The following CDHR2 variants were observed in gnomAD, a reference collection of about 807,000 sequenced individuals.
CDHR2 encodes cadherin related family member 2.
In CDHR2, 104 loss-of-function variants were observed where a neutral mutation model predicts 138.6. The ratio of observed to expected loss-of-function variants is 0.75; its 90% CI spans 0.64 to 0.88. The LOEUF (loss-of-function observed/expected upper bound fraction) is 0.88. CDHR2 is among the 40% of genes least tolerant of loss of function. CDHR2 has a pLI of 0.00. For missense variants in CDHR2, 1,624 were observed against 1,727.6 expected (o/e 0.94, Z 1.06); for synonymous variants, 755 against 742.8 (o/e 1.02, Z -0.27).
chr5:176,590,106 G>A lies in CDHR2; in HGVS notation c.3235G>A (p.Val1079Ile), dbSNP rs1373340129. 2 of 1,613,740 alleles carry A rather than the reference G, an allele frequency of 1.2e-6. No individual in the cohort carries two copies. Among genetic ancestry groups the A allele is most frequent in the Non-Finnish European group, 1.7e-6 (2 of 1,179,994 alleles). ...AALTQATRTTVYIVDIQDIDS... is the reference protein window; with the variant it reads ...AALTQATRTTIYIVDIQDIDS... ...TCTTACCCAGGCAACCAGGACTACAGTATACATTGTGGACATTCAGGACAT... is the reference window on the plus strand; with the variant it reads ...TCTTACCCAGGCAACCAGGACTACAATATACATTGTGGACATTCAGGACAT... The change falls in exon 25 of 32, where the codon GTA becomes ATA. Residue 1079 changes from valine (V) to isoleucine (I), a missense_variant. Coordinates refer to ENST00000261944, the MANE Select transcript of CDHR2 (RefSeq NM_017675.6).
chr5:176,544,349 TTTC>T (rs1284875821), upstream of CDHR2, among the ~76,000 whole-genome samples: 1 of 140,426 alleles, frequency 7.1e-6, no homozygotes, highest in Non-Finnish European at 1.5e-5. Context: ...TCCTTTCTTT[TTTC>T]TTTTCTTTTC....
chr5:176,591,960 G>GAT (rs199511388), intron 30 of CDHR2, among the ~76,000 whole-genome samples: 1 of 16,198 alleles, frequency 6.2e-5, no homozygotes, highest in Admixed American at 5.2e-4. Flanking sequence ...TGATGATGAC[G>GAT]GTGGTGGTGG....
At chr5:176,591,048 C>A (rs1758829835) in intron 28 of CDHR2, among the ~76,000 whole-genome samples, 162 bp from the exon 29 acceptor site, 1 of 152,252 alleles carries the variant, frequency 6.6e-6, no homozygotes, top group South Asian at 2.1e-4. Context: ...GCTATTTGAC[C>A]TTTGGCAAAT....
chr5:176,594,283 G>C (rs1323993504), intron 31 of CDHR2, among the ~76,000 whole-genome samples: 1 of 152,198 alleles, frequency 6.6e-6, no homozygotes, highest in Non-Finnish European at 1.5e-5. Flanking sequence ...GAGTCTTGCG[G>C]GTCTCTGGGC....
Position 176,576,075 on chromosome 5 carries a change from A to G in CDHR2, c.1084A>G (p.Thr362Ala), listed in dbSNP as rs775220895. 6.2e-7 allele frequency: 1 copy of G among 1,614,050 alleles called. No individual in the cohort carries two copies. The highest frequency in any genetic ancestry group is 1.7e-5 in the Admixed American group (1 of 60,018). Reference sequence around the variant, plus strand: ...TTACAACTGCAGCCTCCCAGCCTGCACCTTCACCCCCGAAGAGGCCCAAGT... The same window carrying G: ...TTACAACTGCAGCCTCCCAGCCTGCGCCTTCACCCCCGAAGAGGCCCAAGT... ...EFYNCSLPAC[T>A]FTPEEAQVNF... The change falls in exon 12 of 32, where the codon ACC (threonine) becomes GCC (alanine). Residue 362 changes from threonine to alanine, a missense_variant. Around this residue, in one of 3 missense-constraint regions of CDHR2, gnomAD observed 1,061 missense variants for 1,136.6 expected, o/e 0.93. Transcript: ENST00000261944. The surrounding 1 kb of genome is among the most constrained non-coding windows in gnomAD (Gnocchi z 4.5).
At position 176,576,241 on chromosome 5, in the gene CDHR2, C is replaced by A; in HGVS notation, c.1194+56C>A. 7.2e-7 allele frequency: 1 copy of A among 1,380,436 alleles called. No individual in the cohort carries two copies. The highest frequency in any genetic ancestry group is 1.0e-6 in the Non-Finnish European group (1 of 994,562). The allele number at this position is 1,380,436 out of a possible 1,614,324, so 85.5% of individuals were successfully genotyped here. On this transcript the variant is annotated intron_variant, in intron 12 of 31. Transcript: ENST00000261944. The surrounding 1 kb of genome is among the most constrained non-coding windows in gnomAD (Gnocchi z 4.5). Reference sequence around the variant, plus strand: ...GTGGCTGGGGGAGGCCAGTGGGAGCCTGGATCGAGTGACGGTGTCATGTGG... The same window carrying A: ...GTGGCTGGGGGAGGCCAGTGGGAGCATGGATCGAGTGACGGTGTCATGTGG...
intron 1 of CDHR2, among the ~76,000 whole-genome samples, chr5:176,557,216 T>G (rs13178694): frequency 0.32 from 48,114 of 151,458 alleles, 8,570 homozygotes; most frequent in East Asian, 0.5. Flanking sequence ...TTGCTTTTTT[T>G]GTTTTTTGAG....
intron 16 of CDHR2, among the ~76,000 whole-genome samples, chr5:176,580,406 G>A (rs920237309): frequency 1.3e-5 from 2 of 150,916 alleles, no homozygotes; most frequent in Non-Finnish European, 2.9e-5. Flanking sequence ...GTGCATGCCT[G>A]TAATCCCAGC....
At chr5:176,568,930 C>A (rs764261366) in intron 4 of CDHR2, 30 bp from the exon 5 acceptor site, 16 of 1,613,322 alleles carry the variant, frequency 9.9e-6, no homozygotes, top group Non-Finnish European at 1.4e-5. Context: ...CGGGGGCTCA[C>A]CACCGGCCCC....
chr5:176,557,172 C>T lies in CDHR2; in HGVS notation c.-16+7758C>T, dbSNP rs115512142. Among the ~76,000 whole-genome samples the T allele has an allele frequency of 1.4e-3, 200 of 141,544 alleles. 1 individual carries two copies. Among genetic ancestry groups the T allele is most frequent in the African/African-American group, 4.3e-3 (164 of 38,374 alleles). The allele number at this position is 141,544 out of a possible 152,430, so 92.9% of individuals were successfully genotyped here. A position where few individuals can be genotyped will look rare whatever the true frequency, so the allele number is the denominator to read the frequency against. ...CTAGGACCACAGGCATGCACCATGG[C>T]GCCTGGCCTGTTATTTAATAATATT... On this transcript the variant is annotated intron_variant, in intron 1 of 31. Transcript: ENST00000261944.
In CDHR2 at chr5:176,574,092, G is replaced by C. The variant is rs150841635; in HGVS notation, c.415G>C (p.Val139Leu). ...FSTSINETLP[V>L]GSVVFSVLAV... ...GAGTCCCTCCCTGCAGACCCTGCCCGTGGGCAGTGTGGTGTTCTCCGTGCT... is the reference window on the plus strand; with the variant it reads ...GAGTCCCTCCCTGCAGACCCTGCCCCTGGGCAGTGTGGTGTTCTCCGTGCT... The change falls in exon 7 of 32, where the codon GTG becomes CTG. Residue 139 changes from valine to leucine, a missense_variant. By Grantham distance (32) the Val-to-Leu change is conservative (BLOSUM62 1). This residue lies in a region of CDHR2 where 1,061 missense variants were observed against 1,136.6 expected (regional missense o/e 0.93). Transcript: ENST00000261944. 1 of 1,613,724 alleles carries C rather than the reference G, an allele frequency of 6.2e-7. No individual in the cohort carries two copies. Among genetic ancestry groups the C allele is most frequent in the Non-Finnish European group, 8.5e-7 (1 of 1,179,672 alleles).
In CDHR2 at chr5:176,589,166, T is replaced by C. The variant is rs759788747; in HGVS notation, c.2992T>C (p.Phe998Leu). Reference protein sequence around the residue: ...SIFTSSEADVFAGSIQPVTSL... With the variant: ...SIFTSSEADVLAGSIQPVTSL... ...CTTCACCTCCTCCGAGGCCGACGTG[T>C]TCGCTGGGAGCATTCAGTAACTGCG... Residue 998 changes from phenylalanine to leucine, a missense_variant, in exon 22 of 32, where the codon TTC (phenylalanine) becomes CTC (leucine). Around this residue, in one of 3 missense-constraint regions of CDHR2, gnomAD observed 556 missense variants for 565.7 expected, o/e 0.98. Transcript: ENST00000261944. 6.2e-7 allele frequency: 1 copy of C among 1,614,012 alleles called. No homozygotes were observed. The highest frequency in any genetic ancestry group is 1.3e-5 in the African/African-American group (1 of 74,918).
intron 25 of CDHR2, 43 bp downstream of exon 25, chr5:176,590,189 C>T (rs1216952360): frequency 1.1e-5 from 17 of 1,600,124 alleles, no homozygotes; most frequent in Non-Finnish European, 1.4e-5. Flanking sequence ...GGGGGAGAAG[C>T]GGTAGCAGGA....
intron 23 of CDHR2, 44 bp from the exon 24 acceptor site, chr5:176,589,484 C>G (rs529801790): frequency 6.2e-7 from 1 of 1,612,344 alleles, no homozygotes; most frequent in Admixed American, 1.7e-5. Context: ...TCTGCCAGCC[C>G]CCAGGGTCCC....
chr5:176,573,421 C>T (rs1013771524), intron 6 of CDHR2, among the ~76,000 whole-genome samples: 5 of 151,930 alleles, frequency 3.3e-5, no homozygotes, highest in Non-Finnish European at 5.9e-5. Flanking sequence ...GGGTGGATCA[C>T]CTGAGGTCAG....
rs1170784987 is a variant in CDHR2 at position 176,584,753 on chromosome 5, G to A, written c.2472G>A (p.Gln824=). Residue 824 remains glutamine (Q), a synonymous_variant, in exon 19 of 32, where the codon CAG becomes CAA. Coordinates refer to ENST00000261944, the MANE Select transcript of CDHR2 (RefSeq NM_017675.6). ...RGIRVAENGS[Q]HGQVAVVVAS... ...TCCGTGTGGCTGAGAATGGCTCACA[G>A]CACGGCCAGGTGGCTGTGGTGGTTG... 3 of 1,614,242 alleles carry A rather than the reference G, an allele frequency of 1.9e-6. No homozygotes were observed. The highest frequency in any genetic ancestry group is 2.5e-6 in the Non-Finnish European group (3 of 1,180,054).
At chr5:176,569,032 G>T (rs370026633) in intron 5 of CDHR2, 22 bp downstream of exon 5, 6 of 1,613,074 alleles carry the variant, frequency 3.7e-6, no homozygotes, top group South Asian at 1.1e-5. Context: ...GGTGCAGGGG[G>T]GTAGACAGGG....
At chr5:176,585,167 G>A in intron 19 of CDHR2, 152 bp downstream of exon 19, 2 of 1,004,312 alleles carry the variant, frequency 2.0e-6, no homozygotes, top group Non-Finnish European at 2.8e-6. Flanking sequence ...CCCTCTCCAA[G>A]CTTCAGTTTC....
chr5:176,566,173 T>G (rs1348366434), intron 3 of CDHR2, among the ~76,000 whole-genome samples: 1 of 152,202 alleles, frequency 6.6e-6, no homozygotes, highest in East Asian at 1.9e-4. Flanking sequence ...TTGCTTTGTT[T>G]TTATTTGTAA....
Sources: allele counts gnomAD v4.1 joint callset (sites outside exome capture counted in the v4.1 genomes callset), GRCh38; gene constraint gnomAD v4.1.1; regional missense constraint gnomAD v4.1.1; non-coding constraint Gnocchi (gnomAD v3.1); transcripts MANE v1.5; gene names NCBI Gene and HGNC (gene_info 2026-07-23, HGNC 2026-07-21).